Variants in NIM1K observed in about 807,000 individuals in gnomAD.
NIM1K encodes NIM1 serine/threonine protein kinase.
Under a neutral mutation model 37.1 loss-of-function variants are expected in NIM1K, and 35 were observed. The ratio of observed to expected loss-of-function variants is 0.94; its 90% CI spans 0.72 to 1.25. The LOEUF (loss-of-function observed/expected upper bound fraction) is 1.25, where lower values mean the gene tolerates loss of function less well. Among genes scored for constraint, NIM1K ranks in the 50% most tolerant of loss-of-function variants. The pLI is 0.00. For missense variants in NIM1K, 564 were observed against 548.0 expected, an observed-to-expected ratio of 1.03 and a Z score of -0.29; for synonymous variants, 234 against 206.6, an observed-to-expected ratio of 1.13 and a Z score of -1.14.
At chr5:43,239,196 A>G (rs576236925) in intron 1 of NIM1K, among the ~76,000 whole-genome samples, 1 of 147,494 alleles carries the variant, frequency 6.8e-6, no homozygotes, top group African/African-American at 2.4e-5. Flanking sequence ...CTCCCCAAAA[A>G]TGTATTGACA....
chr5:43,246,138 C>T, intron 2 of NIM1K, 71 bp downstream of exon 2: 1 of 1,403,360 alleles, frequency 7.1e-7, no homozygotes, highest in Non-Finnish European at 9.7e-7. Context: ...GTTAGGTGGC[C>T]AGGGCCAAGG....
At chr5:43,267,707 C>G (rs1161971453) in intron 2 of NIM1K, among the ~76,000 whole-genome samples, 1 of 151,986 alleles carries the variant, frequency 6.6e-6, no homozygotes, top group African/African-American at 2.4e-5. Context: ...CATTGTTAAC[C>G]CAAAATTTAT....
intron 2 of NIM1K, among the ~76,000 whole-genome samples, chr5:43,264,835 C>T (rs186372750): frequency 6.6e-6 from 1 of 152,278 alleles, no homozygotes; most frequent in South Asian, 2.1e-4. Context: ...AATCTCTCAG[C>T]ATTTTTTGTC....
At chr5:43,220,293 C>CTTT (rs70994613) in intron 1 of NIM1K, among the ~76,000 whole-genome samples, 8 of 130,422 alleles carry the variant, frequency 6.1e-5, no homozygotes, top group South Asian at 2.4e-4. Flanking sequence ...GTGGGTATCT[C>CTTT]TTTTTTTTTT....
At chr5:43,273,893 A>G (rs1201783471) in intron 2 of NIM1K, among the ~76,000 whole-genome samples, 3 of 151,922 alleles carry the variant, frequency 2.0e-5, no homozygotes, top group Non-Finnish European at 4.4e-5. Context: ...TCTTTCTCTC[A>G]TTGGACTGTG....
intron 1 of NIM1K, among the ~76,000 whole-genome samples, chr5:43,212,082 T>G (rs1752212151): frequency 6.6e-6 from 1 of 152,198 alleles, no homozygotes; most frequent in Non-Finnish European, 1.5e-5. Flanking sequence ...GACTTTTATT[T>G]CCGCCTCTCT....
intron 2 of NIM1K, among the ~76,000 whole-genome samples, chr5:43,249,450 G>A (rs1205468252): frequency 6.6e-6 from 1 of 152,194 alleles, no homozygotes; most frequent in East Asian, 1.9e-4. Flanking sequence ...TTAATGAAAT[G>A]TCTGGGCACT....
chr5:43,223,325 T>C (rs1410840321), intron 1 of NIM1K, among the ~76,000 whole-genome samples: 3 of 152,280 alleles, frequency 2.0e-5, no homozygotes, highest in East Asian at 1.9e-4. Context: ...GTAAACCTGA[T>C]ATATTAGCAC....
chr5:43,261,968 C>A (rs1049435356), intron 2 of NIM1K, among the ~76,000 whole-genome samples: 6 of 152,022 alleles, frequency 3.9e-5, no homozygotes, highest in Non-Finnish European at 8.8e-5. Flanking sequence ...ATTGGTCTAT[C>A]TCTCTGTTTT....
At chr5:43,262,671 T>C (rs1753050806) in intron 2 of NIM1K, among the ~76,000 whole-genome samples, 1 of 152,148 alleles carries the variant, frequency 6.6e-6, no homozygotes, top group African/African-American at 2.4e-5. Context: ...AGAGAGGGCA[T>C]CCCTGTCTTG....
At chr5:43,274,468 C>T (rs1227670736) in intron 2 of NIM1K, among the ~76,000 whole-genome samples, 2 of 152,130 alleles carry the variant, frequency 1.3e-5, no homozygotes, top group African/African-American at 4.8e-5. Context: ...TAATCTAGCC[C>T]TTAAAACAAC....
chr5:43,278,141 G>T (rs577685873), intron 3 of NIM1K, among the ~76,000 whole-genome samples: 1 of 151,664 alleles, frequency 6.6e-6, no homozygotes, highest in African/African-American at 2.4e-5. Context: ...CGCCTCCCGG[G>T]TTCAAGCGAT....
At chr5:43,221,825 A>G (rs928520046) in intron 1 of NIM1K, among the ~76,000 whole-genome samples, 1 of 152,256 alleles carries the variant, frequency 6.6e-6, no homozygotes, top group African/African-American at 2.4e-5. Flanking sequence ...CAGAGAAACC[A>G]TTAGGCTGAA....
At chr5:43,196,379 A>C (rs1230149898) in intron 1 of NIM1K, among the ~76,000 whole-genome samples, 1 of 152,152 alleles carries the variant, frequency 6.6e-6, no homozygotes, top group Non-Finnish European at 1.5e-5. Context: ...CTGTAATCCC[A>C]GCACTTTGGG....
At chr5:43,246,865 G>A (rs1280952510) in intron 2 of NIM1K, among the ~76,000 whole-genome samples, 1 of 152,094 alleles carries the variant, frequency 6.6e-6, no homozygotes, top group Non-Finnish European at 1.5e-5. Context: ...GAAGTCTGGG[G>A]ATTATCATAA....
intron 2 of NIM1K, among the ~76,000 whole-genome samples, chr5:43,261,527 A>G (rs1753030438): frequency 6.6e-6 from 1 of 152,048 alleles, no homozygotes; most frequent in East Asian, 1.9e-4. Context: ...TCAGGTGGGT[A>G]GATTGCAAAA....
rs190572753 is a variant in NIM1K, at chr5:43,217,862, C to T, written c.-695+25451C>T. ...GAGTACCTGGGATTACAGGTGTGTG[C>T]CACCATGACTGGCTAATTTTTGTAT... On this transcript the variant is annotated intron_variant, in intron 1 of 3. Coordinates refer to ENST00000326035, the MANE Select transcript of NIM1K (RefSeq NM_153361.4). 2.1e-4 allele frequency among the ~76,000 whole-genome samples: 32 copies of T among 152,030 alleles called. No homozygotes were observed. The South Asian group carries it at 3.1e-3, about 15-fold the overall frequency.
At chr5:43,260,716 T>C (rs550795607) in intron 2 of NIM1K, among the ~76,000 whole-genome samples, 3 of 152,282 alleles carry the variant, frequency 2.0e-5, no homozygotes, top group East Asian at 1.9e-4. Flanking sequence ...ACCCATTAAC[T>C]GATCATTTAC....
intron 1 of NIM1K, among the ~76,000 whole-genome samples, chr5:43,243,984 T>C (rs1318257102): frequency 2.0e-5 from 3 of 152,238 alleles, no homozygotes; most frequent in Non-Finnish European, 4.4e-5. Flanking sequence ...TTTAAGCCTG[T>C]GTTCATCATC....
Sources: allele counts gnomAD v4.1 joint callset (sites outside exome capture counted in the v4.1 genomes callset), GRCh38; gene constraint gnomAD v4.1.1; transcripts MANE v1.5; gene names NCBI Gene and HGNC (gene_info 2026-07-23, HGNC 2026-07-21).